The following PTCH1 variants were observed in gnomAD, a reference collection of about 807,000 sequenced individuals.
PTCH1 encodes patched 1.
PTCH1 carries 14 observed loss-of-function variants against 144.6 expected under a neutral mutation model. That is an observed-to-expected ratio of 0.10 (90% confidence interval 0.06 to 0.15). PTCH1 has a LOEUF of 0.15. Ranked by LOEUF, PTCH1 falls within the 10% of genes least tolerant of loss-of-function variation. The pLI, the probability that PTCH1 is intolerant of heterozygous loss-of-function variation, is 1.00. For synonymous variants in PTCH1, 833 were observed against 793.6 expected (o/e 1.05, Z -0.83); for missense variants, 1,623 against 1,948.3 (o/e 0.83, Z 3.14).
Position 95,480,023 on chromosome 9 carries a change from T to C in PTCH1, c.1013A>G (p.Gln338Arg), listed in dbSNP as rs2118391520. The change falls in exon 7 of 24, where the codon CAG (glutamine) becomes CGG (arginine). Residue 338 changes from glutamine (Q) to arginine (R), a missense_variant. Transcript: ENST00000331920. ...TGTGCCACCCACAATCAACTCCTCC[T>C]GCCAGTGCATATACTTTCTGGATAA... ...HGLSRKYMHW[Q>R]EELIVGGTVK... is the part of the protein sequence containing the mutation. 6.2e-7 allele frequency: 1 copy of C among 1,614,070 alleles called. No individual in the cohort carries two copies. Among genetic ancestry groups the C allele is most frequent in the Non-Finnish European group, 8.5e-7 (1 of 1,180,028 alleles).
intron 2 of PTCH1, among the ~76,000 whole-genome samples, chr9:95,491,661 T>C (rs1842417957): frequency 1.3e-5 from 2 of 152,194 alleles, no homozygotes; most frequent in South Asian, 2.1e-4. Flanking sequence ...TCATGGTTTC[T>C]GAGCACCAGC....
intron 15 of PTCH1, among the ~76,000 whole-genome samples, chr9:95,462,529 C>T (rs1012433007): frequency 5.3e-5 from 8 of 152,232 alleles, no homozygotes; most frequent in Admixed American, 2.6e-4. Flanking sequence ...GGAGCTAACA[C>T]AAGCTGTGGG....
chr9:95,506,743 G>A (rs1843684868), intron 1 of PTCH1, 144 bp from the exon 2 acceptor site: 4 of 1,061,622 alleles, frequency 3.8e-6, no homozygotes, highest in Non-Finnish European at 4.9e-6. Context: ...CCTCGAGACT[G>A]CAGCCCCGGC....
At chr9:95,506,807 C>A in intron 1 of PTCH1, 4 of 1,120,454 alleles carry the variant, frequency 3.6e-6, no homozygotes, top group Non-Finnish European at 4.5e-6. Flanking sequence ...AGCGTGGGAG[C>A]TGCACCTCGG....
intron 8 of PTCH1, among the ~76,000 whole-genome samples, chr9:95,478,734 T>C (rs945817190): frequency 6.6e-6 from 1 of 152,216 alleles, no homozygotes; most frequent in Non-Finnish European, 1.5e-5. Flanking sequence ...CCAAGTGTTT[T>C]TTTAAACACT....
intron 2 of PTCH1, among the ~76,000 whole-genome samples, chr9:95,505,339 C>G (rs946648827): frequency 2.0e-5 from 3 of 152,218 alleles, no homozygotes; most frequent in Non-Finnish European, 4.4e-5. Flanking sequence ...CCCTCCCCTA[C>G]TACCCTCTTG....
exon 1 of PTCH1, chr9:95,516,897 C>T (rs1208175855): frequency 1.3e-5 from 17 of 1,270,710 alleles, no homozygotes; most frequent in Non-Finnish European, 1.8e-5. Flanking sequence ...AAACTTTACC[C>T]CTTTACAATA....
chr9:95,471,510 G>A (rs1840579982), intron 12 of PTCH1, among the ~76,000 whole-genome samples: 1 of 152,258 alleles, frequency 6.6e-6, no homozygotes, highest in Admixed American at 6.5e-5. Context: ...ACCTGAGAAA[G>A]AGAGAGATCT....
At chr9:95,457,755 G>A (rs118084812) in intron 18 of PTCH1, among the ~76,000 whole-genome samples, 3,478 of 152,282 alleles carry the variant, frequency 0.023, 77 homozygotes, top group Admixed American at 0.054. Flanking sequence ...TCAGAGCTGT[G>A]ATGGAAGGTG....
rs760969436 is a variant in PTCH1, at chr9:95,506,394, CG to C, written c.394+12del. 6.2e-7 allele frequency: 1 copy of C among 1,607,856 alleles called. No individual in the cohort carries two copies. Among genetic ancestry groups the C allele is most frequent in the Non-Finnish European group, 8.5e-7 (1 of 1,177,916 alleles). Reference sequence around the variant, plus strand: ...CGGGCCGGGGGCGCGGGCGCCGCGGCGGGCGCTCTTACCTTCCACCCACAGC... The same window carrying C: ...CGGGCCGGGGGCGCGGGCGCCGCGGCGGCGCTCTTACCTTCCACCCACAGC... On this transcript the variant is annotated intron_variant, in intron 2 of 23. Transcript: ENST00000331920.
chr9:95,454,509 C>T (rs1838749129), intron 19 of PTCH1, among the ~76,000 whole-genome samples: 1 of 152,220 alleles, frequency 6.6e-6, no homozygotes, highest in Non-Finnish European at 1.5e-5. Flanking sequence ...TCATACTTTT[C>T]TCTCAAACAG....
intron 19 of PTCH1, among the ~76,000 whole-genome samples, chr9:95,454,492 A>C (rs1026349159): frequency 1.3e-5 from 2 of 152,250 alleles, no homozygotes; most frequent in Non-Finnish European, 2.9e-5. Flanking sequence ...AGGTGTGCTA[A>C]GAGTTTTCAT....
intron 8 of PTCH1, 101 bp downstream of exon 8, chr9:95,478,899 T>C: frequency 1.3e-6 from 2 of 1,556,720 alleles, no homozygotes; most frequent in South Asian, 2.3e-5. Context: ...AATTGCAATG[T>C]TTTGAAAATA....
At chr9:95,481,730 T>C (rs1161058107) in intron 5 of PTCH1, 1 of 586,622 alleles carries the variant, frequency 1.7e-6, no homozygotes, top group African/African-American at 1.9e-5. Flanking sequence ...TAAAAGTGAA[T>C]GAAATTTAAT....
In PTCH1 at chr9:95,508,799, C is replaced by A. The variant is rs1028096759; in HGVS notation, c.-438G>T. On this transcript the variant is annotated 5_prime_UTR_variant, in exon 1 of 24. Transcript: ENST00000331920. ...TTCACTGCAGAAAGAGCCAGCGAAT[C>A]CCCGCTGCTCCCGCCGGCCGCGCTG... The A allele has an allele frequency of 2.6e-4, 257 of 983,834 alleles. No homozygotes were observed. The highest frequency in any genetic ancestry group is 8.0e-4 in the Admixed American group (13 of 16,182). The allele number at this position is 983,834 out of a possible 1,614,324, so 60.9% of individuals were successfully genotyped here. A position where few individuals can be genotyped will look rare whatever the true frequency, so the allele number is the denominator to read the frequency against.
At chr9:95,506,276 A>T in intron 2 of PTCH1, 131 bp downstream of exon 2, 1 of 1,111,504 alleles carries the variant, frequency 9.0e-7, no homozygotes, top group South Asian at 1.6e-5. Flanking sequence ...CAAACAATAA[A>T]CAATCCCCCG....
chr9:95,480,471 A>G lies in PTCH1; in HGVS notation c.864T>C (p.Gly288=). 6.2e-7 allele frequency: 1 copy of G among 1,612,478 alleles called. No individual in the cohort carries two copies. The highest frequency in any genetic ancestry group is 1.7e-5 in the Admixed American group (1 of 59,742). The stretch of plus-strand genomic sequence containing the variant: ...GGCAGGGGCGGTCCATGTAACCATG[A>G]CCAACCTCAGCCTTATTCAGCATTT... ...WEEMLNKAEV[G]HGYMDRPCLN... Residue 288 remains glycine (G), a synonymous_variant, in exon 6 of 24, where the codon GGT becomes GGC. Transcript: ENST00000331920.
At chr9:95,508,004 C>T (rs956842088) in intron 1 of PTCH1, 157 bp downstream of exon 1, 6 of 1,517,968 alleles carry the variant, frequency 4.0e-6, no homozygotes, top group Admixed American at 2.0e-5. Flanking sequence ...TTTTTCAATC[C>T]CCATTTGTCT....
intron 3 of PTCH1, 124 bp from the exon 4 acceptor site, chr9:95,482,327 G>A: frequency 1.0e-6 from 1 of 975,256 alleles, no homozygotes; most frequent in Non-Finnish European, 1.5e-6. Flanking sequence ...CTGTCAAAAC[G>A]AGCAGAGCTT....
Sources: allele counts gnomAD v4.1 joint callset (sites outside exome capture counted in the v4.1 genomes callset), GRCh38; gene constraint gnomAD v4.1.1; transcripts MANE v1.5; gene names NCBI Gene and HGNC (gene_info 2026-07-23, HGNC 2026-07-21).